Variants in KCNH1 observed in about 807,000 individuals in gnomAD.
KCNH1 encodes potassium voltage-gated channel subfamily H member 1, also known as voltage-gated delayed rectifier potassium channel KCNH1.
In KCNH1, 27 loss-of-function variants were observed where a neutral mutation model predicts 69.2. The observed-to-expected ratio is 0.39, with a 90% confidence interval of 0.29 to 0.54. The LOEUF is 0.54. KCNH1 is among the 20% of genes least tolerant of loss of function. The pLI is 0.68. For missense variants in KCNH1, 798 were observed against 1,261.6 expected, an observed-to-expected ratio of 0.63 and a Z score of 5.57; for synonymous variants, 456 against 487.7, an observed-to-expected ratio of 0.93 and a Z score of 0.86.
intron 5 of KCNH1, among the ~76,000 whole-genome samples, chr1:211,043,248 T>C (rs1571602277): frequency 6.6e-6 from 1 of 151,856 alleles, no homozygotes; most frequent in East Asian, 1.9e-4. Context: ...CCAAATAACC[T>C]CACTAAGAAA....
At chr1:211,073,677 A>G (rs891050909) in intron 5 of KCNH1, among the ~76,000 whole-genome samples, 2 of 152,220 alleles carry the variant, frequency 1.3e-5, no homozygotes, top group East Asian at 3.9e-4. Flanking sequence ...AATGAAAAAG[A>G]GAATACAAAT....
intron 5 of KCNH1, among the ~76,000 whole-genome samples, chr1:211,075,533 G>A (rs1190361558): frequency 6.6e-6 from 1 of 152,224 alleles, no homozygotes; most frequent in African/African-American, 2.4e-5. Flanking sequence ...GTAAGAAGGA[G>A]ATTTGGAGTC....
At chr1:210,993,775 G>C (rs1010677222) in intron 6 of KCNH1, among the ~76,000 whole-genome samples, 5 of 152,086 alleles carry the variant, frequency 3.3e-5, no homozygotes, top group Non-Finnish European at 7.3e-5. Flanking sequence ...GCAAACCTAA[G>C]GCTAAACAAG....
chr1:210,717,602 G>A (rs1682292115), intron 10 of KCNH1, among the ~76,000 whole-genome samples: 1 of 152,164 alleles, frequency 6.6e-6, no homozygotes. Flanking sequence ...TTGCTGGTGT[G>A]GTGAAGTAAC....
chr1:210,689,378 T>G (rs1039740864), intron 10 of KCNH1, among the ~76,000 whole-genome samples: 1 of 152,126 alleles, frequency 6.6e-6, no homozygotes, highest in African/African-American at 2.4e-5. Context: ...GTTGTCCCCT[T>G]GGGGTCTCAG....
Position 211,050,275 on chromosome 1 carries a change from A to G in KCNH1, c.559-31019T>C, listed in dbSNP as rs867288175. 6.4e-3 allele frequency among the ~76,000 whole-genome samples: 941 copies of G among 147,760 alleles called. 25 individuals carry two copies. Among genetic ancestry groups the G allele is most frequent in the African/African-American group, 0.022 (888 of 40,142 alleles). Reference sequence around the variant, plus strand: ...CACACATTCTTAAAAAAAAAAAAAAAAAAAAAAAAAAAAAAGGACAGCTTG... The same window carrying G: ...CACACATTCTTAAAAAAAAAAAAAAGAAAAAAAAAAAAAAAGGACAGCTTG... On this transcript the variant is annotated intron_variant, in intron 5 of 10. Transcript: ENST00000271751.
intron 6 of KCNH1, among the ~76,000 whole-genome samples, chr1:210,947,150 C>A (rs921170039): frequency 2.0e-5 from 3 of 152,162 alleles, no homozygotes; most frequent in Admixed American, 1.3e-4. Flanking sequence ...GAAATTAGAT[C>A]GACCTCTAAA....
At chr1:210,838,939 GA>G (rs1234648981) in intron 7 of KCNH1, among the ~76,000 whole-genome samples, 15 of 152,186 alleles carry the variant, frequency 9.9e-5, no homozygotes, top group Admixed American at 9.8e-4. Flanking sequence ...AGAGAAAAAG[GA>G]ACGCTTTTAC....
intron 1 of KCNH1, among the ~76,000 whole-genome samples, chr1:211,131,988 TAG>T (rs1297788788): frequency 6.6e-6 from 1 of 152,192 alleles, no homozygotes; most frequent in African/African-American, 2.4e-5. Context: ...TCAACTAAAA[TAG>T]ACAGTATTCT....
intron 5 of KCNH1, among the ~76,000 whole-genome samples, chr1:211,027,690 G>A (rs1336839274): frequency 6.6e-6 from 1 of 151,966 alleles, no homozygotes; most frequent in African/African-American, 2.4e-5. Flanking sequence ...TCCTATAATT[G>A]TTGTTCTGTA....
rs917428534 is a variant in KCNH1, at chr1:210,766,479, C to T, written c.2112+8869G>A. On this transcript the variant is annotated intron_variant, in intron 10 of 10. Coordinates refer to ENST00000271751, the MANE Select transcript of KCNH1 (RefSeq NM_172362.3). ...GGCAGAGGTTGCGGTAAGCCAAGATCATACCATTGCACTCCAGCCTGGGCA... is the reference window on the plus strand; with the variant it reads ...GGCAGAGGTTGCGGTAAGCCAAGATTATACCATTGCACTCCAGCCTGGGCA... Among the ~76,000 whole-genome samples, 10 of 152,056 alleles carry T rather than the reference C, an allele frequency of 6.6e-5. 1 individual carries two copies. The highest frequency in any genetic ancestry group is 2.4e-4 in the African/African-American group (10 of 41,478).
intron 6 of KCNH1, among the ~76,000 whole-genome samples, chr1:210,933,652 G>C (rs1687724173): frequency 6.6e-6 from 1 of 151,876 alleles, no homozygotes; most frequent in African/African-American, 2.4e-5. Context: ...AAACCAACTA[G>C]GAAAAAGAGA....
intron 5 of KCNH1, among the ~76,000 whole-genome samples, chr1:211,070,946 C>T (rs1690631862): frequency 6.6e-6 from 1 of 152,094 alleles, no homozygotes; most frequent in Admixed American, 6.5e-5. Context: ...GTCAAATCTA[C>T]ATATAACTTT....
chr1:211,051,558 C>T (rs1002805717), intron 5 of KCNH1, among the ~76,000 whole-genome samples: 3 of 152,174 alleles, frequency 2.0e-5, no homozygotes, highest in Non-Finnish European at 4.4e-5. Flanking sequence ...AAATGGAGGG[C>T]ATGTTCCAAG....
intron 6 of KCNH1, among the ~76,000 whole-genome samples, chr1:210,952,148 C>A (rs189225751): frequency 1.3e-5 from 2 of 152,274 alleles, no homozygotes; most frequent in East Asian, 3.9e-4. Context: ...CACCTACTGC[C>A]CAGGCAATAT....
intron 7 of KCNH1, among the ~76,000 whole-genome samples, chr1:210,906,835 G>A (rs2102543451): frequency 6.6e-6 from 1 of 152,306 alleles, no homozygotes; most frequent in Non-Finnish European, 1.5e-5. Flanking sequence ...GTAATCATAT[G>A]GGCCAGAACA....
At chr1:210,781,958 C>T (rs1023468143) in intron 9 of KCNH1, among the ~76,000 whole-genome samples, 7 of 152,170 alleles carry the variant, frequency 4.6e-5, no homozygotes, top group East Asian at 1.9e-4. Flanking sequence ...CCTTTAAATT[C>T]GGCTCCTGTC....
At chr1:210,846,827 C>G (rs1685560364) in intron 7 of KCNH1, among the ~76,000 whole-genome samples, 3 of 152,084 alleles carry the variant, frequency 2.0e-5, no homozygotes, top group Non-Finnish European at 4.4e-5. Context: ...TTGCAACCTA[C>G]TCATCTGACA....
intron 5 of KCNH1, among the ~76,000 whole-genome samples, chr1:211,077,885 A>G (rs1446977083): frequency 2.0e-5 from 3 of 152,142 alleles, no homozygotes; most frequent in African/African-American, 7.2e-5. Context: ...AGAGACACAT[A>G]TAGGCTCAAA....
Sources: allele counts gnomAD v4.1 joint callset (sites outside exome capture counted in the v4.1 genomes callset), GRCh38; gene constraint gnomAD v4.1.1; transcripts MANE v1.5; gene names NCBI Gene and HGNC (gene_info 2026-07-23, HGNC 2026-07-21).